The following MAP3K5 variants were observed in gnomAD, a reference collection of about 807,000 sequenced individuals.
MAP3K5 encodes the protein mitogen-activated protein kinase kinase kinase 5, also known as ASK-1.
MAP3K5 carries 56 observed loss-of-function variants against 158.7 expected under a neutral mutation model. The observed-to-expected ratio is 0.35, with a 90% CI of 0.28 to 0.44. The LOEUF (loss-of-function observed/expected upper bound fraction) is 0.44. MAP3K5 is among the 20% of genes least tolerant of loss of function. MAP3K5 has a pLI of 1.00. For synonymous variants in MAP3K5, 579 were observed against 601.7 expected, an observed-to-expected ratio of 0.96 and a Z score of 0.55; for missense variants, 1,294 against 1,674.8, an observed-to-expected ratio of 0.77 and a Z score of 3.97.
chr6:136,711,544 TACACCCAGCTACTCAGGAGGTCG>T (rs969938849), intron 2 of MAP3K5, among the ~76,000 whole-genome samples: 2 of 151,824 alleles, frequency 1.3e-5, no homozygotes, highest in African/African-American at 4.8e-5. Flanking sequence ...CATGTGCCTA[TACACCCAGCTACTCAGGAGGTCG>T]AGATGGGAGG....
At chr6:136,747,445 T>G (rs1783010892) in intron 1 of MAP3K5, among the ~76,000 whole-genome samples, 1 of 152,152 alleles carries the variant, frequency 6.6e-6, no homozygotes, top group African/African-American at 2.4e-5. Context: ...TTAAAAGAAT[T>G]TTCTGGGGCG....
chr6:136,648,485 G>A (rs1227603690), intron 11 of MAP3K5, among the ~76,000 whole-genome samples: 1 of 152,166 alleles, frequency 6.6e-6, no homozygotes, highest in Non-Finnish European at 1.5e-5. Flanking sequence ...GCTACTAGAT[G>A]GACTTGGTGT....
At chr6:136,759,330 A>G (rs1681627542) in intron 1 of MAP3K5, among the ~76,000 whole-genome samples, 1 of 151,686 alleles carries the variant, frequency 6.6e-6, no homozygotes, top group Non-Finnish European at 1.5e-5. Context: ...TGAATGTACC[A>G]TGTTCCTATA....
chr6:136,674,076 A>C (rs1779600281), intron 7 of MAP3K5, among the ~76,000 whole-genome samples: 1 of 152,104 alleles, frequency 6.6e-6, no homozygotes, highest in East Asian at 1.9e-4. Flanking sequence ...TTTGCCGTAC[A>C]AACTATGGAA....
Position 136,667,131 on chromosome 6 carries a change from C to A in MAP3K5, c.1366+2152G>T, listed in dbSNP as rs73558216. ...ATATGCAAATCACTGTCAATTCCTG[C>A]AACAATTTAGAGGCTTCAACAAAAC... On this transcript the variant is annotated intron_variant, in intron 8 of 29. Coordinates refer to ENST00000359015, the MANE Select transcript of MAP3K5 (RefSeq NM_005923.4). Among the ~76,000 whole-genome samples the A allele has an allele frequency of 6.0e-3, 910 of 152,164 alleles. 14 individuals carry two copies. The highest frequency in any genetic ancestry group is 0.021 in the African/African-American group (862 of 41,528).
chr6:136,684,113 C>T (rs1427323312), intron 7 of MAP3K5, among the ~76,000 whole-genome samples: 1 of 152,036 alleles, frequency 6.6e-6, no homozygotes, highest in Non-Finnish European at 1.5e-5. Context: ...CACCTGTGGT[C>T]CCAGCTACTT....
intron 14 of MAP3K5, among the ~76,000 whole-genome samples, chr6:136,635,175 T>G (rs1417792444): frequency 1.3e-5 from 2 of 151,834 alleles, no homozygotes; most frequent in African/African-American, 4.8e-5. Context: ...GAAGAATACT[T>G]CATGAATTTT....
rs541697831 is a variant in MAP3K5 at position 136,574,532 on chromosome 6, A to G, written c.3517+5769T>C. 7.2e-5 allele frequency among the ~76,000 whole-genome samples: 11 copies of G among 152,314 alleles called. 1 individual carries two copies. In the East Asian group the frequency reaches 1.2e-3, roughly 16 times the overall value. The stretch of plus-strand genomic sequence containing the variant: ...GCATTACTCCATCTGGTCACCCACA[A>G]GCAGACTGTACTAGAGGACTAATGC... On this transcript the variant is annotated intron_variant, in intron 25 of 29. Transcript: ENST00000359015.
At chr6:136,754,150 G>C (rs1240587416) in intron 1 of MAP3K5, among the ~76,000 whole-genome samples, 3 of 152,118 alleles carry the variant, frequency 2.0e-5, no homozygotes, top group Non-Finnish European at 2.9e-5. Flanking sequence ...GCGGGCGCCT[G>C]TAATCCCAGC....
In MAP3K5 at chr6:136,720,859, A is replaced by G. The variant is rs141597337; in HGVS notation, c.449-270T>C. The stretch of plus-strand genomic sequence containing the variant: ...CAGTGACATGATCATGGCTGACTGC[A>G]GCCTTGAACTCCTAGGCTCAAATGA... On this transcript the variant is annotated intron_variant, in intron 1 of 29. Transcript: ENST00000359015. Among the ~76,000 whole-genome samples, 20 of 152,322 alleles carry G rather than the reference A, an allele frequency of 1.3e-4. No individual in the cohort carries two copies. The East Asian group carries it at 3.5e-3, about 26-fold the overall frequency.
At chr6:136,762,300 A>C (rs974343080) in intron 1 of MAP3K5, among the ~76,000 whole-genome samples, 8 of 152,222 alleles carry the variant, frequency 5.3e-5, no homozygotes, top group Non-Finnish European at 8.8e-5. Context: ...AGAGCTCCTG[A>C]CTTTGTACGG....
At chr6:136,696,300 G>A (rs1277617699) in intron 5 of MAP3K5, among the ~76,000 whole-genome samples, 1 of 152,102 alleles carries the variant, frequency 6.6e-6, no homozygotes, top group Non-Finnish European at 1.5e-5. Context: ...AACTAAAAAA[G>A]CAAAAGAAAC....
At chr6:136,647,831 C>T (rs1322946315) in intron 11 of MAP3K5, 2 of 152,496 alleles carry the variant, frequency 1.3e-5, no homozygotes, top group Non-Finnish European at 2.9e-5. Flanking sequence ...CGAAGGACTC[C>T]ATGCCTCACT....
intron 1 of MAP3K5, among the ~76,000 whole-genome samples, chr6:136,787,168 G>A (rs1784887314): frequency 6.6e-6 from 1 of 152,100 alleles, no homozygotes; most frequent in Non-Finnish European, 1.5e-5. Flanking sequence ...ATTGAGACCT[G>A]CCTAGGCAAT....
At chr6:136,653,148 C>T (rs997176249) in intron 10 of MAP3K5, among the ~76,000 whole-genome samples, 6 of 151,902 alleles carry the variant, frequency 3.9e-5, no homozygotes, top group Admixed American at 6.6e-5. Flanking sequence ...TCTTTCCCGA[C>T]GTTAGATAAT....
At chr6:136,661,528 TGGGAGTACAGGCATGA>T (rs1274338599) in intron 8 of MAP3K5, among the ~76,000 whole-genome samples, 3 of 152,100 alleles carry the variant, frequency 2.0e-5, no homozygotes, top group Non-Finnish European at 4.4e-5. Flanking sequence ...CCCAGGTAGC[TGGGAGTACAGGCATGA>T]GCCACCACAC....
Position 136,583,562 on chromosome 6 carries a change from T to C in MAP3K5, c.3404A>G (p.Gln1135Arg). The change falls in exon 24 of 30, where the codon CAA becomes CGA. Residue 1135 changes from glutamine (Q) to arginine (R), a missense_variant. Gln to Arg is a conservative substitution (Grantham distance 43). This residue lies in a region of MAP3K5 where 362 missense variants were observed against 463.2 expected (regional missense o/e 0.78). Transcript: ENST00000359015. ...SQVQVVLFGF[Q>R]DAVNKVLRNH... ...GCAAAATATCATACTTACAGCATCT[T>C]GAAAACCAAAGAGTACCACCTGGAC... The C allele has an allele frequency of 6.2e-7, 1 of 1,612,968 alleles. No homozygotes were observed. The highest frequency in any genetic ancestry group is 1.1e-5 in the South Asian group (1 of 90,838).
intron 21 of MAP3K5, among the ~76,000 whole-genome samples, chr6:136,593,435 G>C (rs1775482836): frequency 6.6e-6 from 1 of 152,142 alleles, no homozygotes; most frequent in South Asian, 2.1e-4. Flanking sequence ...AATCATGCTT[G>C]GGTGAGTTGC....
Position 136,780,955 on chromosome 6 carries a change from CCTT to C in MAP3K5, c.448+10752_448+10754del, listed in dbSNP as rs1784589056. Among the ~76,000 whole-genome samples, 3 of 152,120 alleles carry C rather than the reference CCTT, an allele frequency of 2.0e-5. No homozygotes were observed. The South Asian group carries it at 6.2e-4, about 31-fold the overall frequency. On this transcript the variant is annotated intron_variant, in intron 1 of 29. Transcript: ENST00000359015. Reference sequence around the variant, plus strand: ...ATCTTTATACTCCTGAAGATTTATGCCTTCTTCTGCTTCTTAGTTCTTCGATAC... The same window carrying C: ...ATCTTTATACTCCTGAAGATTTATGCCTTCTGCTTCTTAGTTCTTCGATAC...
Sources: allele counts gnomAD v4.1 joint callset (sites outside exome capture counted in the v4.1 genomes callset), GRCh38; gene constraint gnomAD v4.1.1; regional missense constraint gnomAD v4.1.1; transcripts MANE v1.5; gene names NCBI Gene and HGNC (gene_info 2026-07-23, HGNC 2026-07-21).